KCTD8: variants seen among roughly 807,000 people sequenced by gnomAD.
The protein encoded by KCTD8 is BTB/POZ domain-containing protein KCTD8.
In KCTD8, 27 loss-of-function variants were observed where a neutral mutation model predicts 31.5. The ratio of observed to expected loss-of-function variants is 0.86; its 90% confidence interval spans 0.63 to 1.18. The LOEUF (loss-of-function observed/expected upper bound fraction) is 1.18, where lower values mean the gene tolerates loss of function less well. Among genes scored for constraint, KCTD8 ranks in the 50% most tolerant of loss-of-function variants. The pLI is 0.00. For missense variants in KCTD8, 658 were observed against 647.7 expected (o/e 1.02, Z -0.17); for synonymous variants, 290 against 280.0 (o/e 1.04, Z -0.36).
At chr4:44,318,443 T>C (rs1718202460) in intron 1 of KCTD8, among the ~76,000 whole-genome samples, 1 of 152,178 alleles carries the variant, frequency 6.6e-6, no homozygotes, top group Admixed American at 6.5e-5. Context: ...TGGAAAGATA[T>C]GAGCTAGATC....
At chr4:44,286,396 G>A (rs186601448) in intron 1 of KCTD8, among the ~76,000 whole-genome samples, 57 of 152,136 alleles carry the variant, frequency 3.7e-4, no homozygotes, top group Non-Finnish European at 6.5e-4. Context: ...GGAGAAAAAC[G>A]CTGGAGTACT....
At chr4:44,352,399 T>C (rs1345363577) in intron 1 of KCTD8, among the ~76,000 whole-genome samples, 1 of 150,296 alleles carries the variant, frequency 6.7e-6, no homozygotes, top group Non-Finnish European at 1.5e-5. Context: ...TTAAAAAGAA[T>C]AGAAATAGAA....
intron 1 of KCTD8, among the ~76,000 whole-genome samples, chr4:44,317,179 A>C (rs28587820): frequency 4.1e-5 from 6 of 147,550 alleles, no homozygotes; most frequent in Non-Finnish European, 8.9e-5. Context: ...CAAAGTTTTA[A>C]TGGAACAGAA....
At chr4:44,273,354 G>A (rs145688693) in intron 1 of KCTD8, among the ~76,000 whole-genome samples, 2 of 152,016 alleles carry the variant, frequency 1.3e-5, no homozygotes, top group Non-Finnish European at 1.5e-5. Flanking sequence ...GTGTACGTAT[G>A]TCATATGTAC....
chr4:44,269,693 A>G (rs1226171896), intron 1 of KCTD8, among the ~76,000 whole-genome samples: 1 of 152,026 alleles, frequency 6.6e-6, no homozygotes, highest in East Asian at 1.9e-4. Context: ...CAAATTTACA[A>G]GAAAAAAGCA....
intron 1 of KCTD8, among the ~76,000 whole-genome samples, chr4:44,444,532 A>G (rs372031735): frequency 6.6e-6 from 1 of 152,248 alleles, no homozygotes. Context: ...AAACAGTAAC[A>G]TATTACAATA....
intron 1 of KCTD8, among the ~76,000 whole-genome samples, chr4:44,380,138 C>T (rs1211768895): frequency 6.6e-6 from 1 of 151,682 alleles, no homozygotes; most frequent in Non-Finnish European, 1.5e-5. Context: ...TCAAGATTAC[C>T]CCTAGGCAAA....
intron 1 of KCTD8, among the ~76,000 whole-genome samples, chr4:44,353,501 A>T (rs988624860): frequency 6.6e-6 from 1 of 152,036 alleles, no homozygotes; most frequent in African/African-American, 2.4e-5. Context: ...TTATCTTTAA[A>T]TATACACTAA....
chr4:44,323,959 G>A (rs1191136305), intron 1 of KCTD8, among the ~76,000 whole-genome samples: 2 of 151,234 alleles, frequency 1.3e-5, no homozygotes, highest in Non-Finnish European at 2.9e-5. Context: ...CGAGTTAGTG[G>A]GTGCAGCGCA....
chr4:44,175,575 A>G (rs376890751), intron 1 of KCTD8, among the ~76,000 whole-genome samples: 1 of 152,334 alleles, frequency 6.6e-6, no homozygotes, highest in African/African-American at 2.4e-5. Flanking sequence ...AGTTCCTGGA[A>G]TATAAAAAAA....
In KCTD8 at chr4:44,174,598, T is replaced by C. The variant is rs1713142250; in HGVS notation, c.*192A>G. On this transcript the variant is annotated 3_prime_UTR_variant, in exon 2 of 2. Coordinates refer to ENST00000360029, the MANE Select transcript of KCTD8 (RefSeq NM_198353.3). ...TGATTTAACACTTATTGATTTAATA[T>C]TTTTTCCTTTTTAATCATGTTTCTA... 2.1e-6 allele frequency: 1 copy of C among 479,712 alleles called. No homozygotes were observed. Among genetic ancestry groups the C allele is most frequent in the East Asian group, 3.1e-5 (1 of 31,810 alleles). The allele number at this position is 479,712 out of a possible 1,614,324, so 29.7% of individuals were successfully genotyped here.
intron 1 of KCTD8, among the ~76,000 whole-genome samples, chr4:44,292,064 A>G (rs1219818106): frequency 6.6e-6 from 1 of 151,948 alleles, no homozygotes; most frequent in African/African-American, 2.4e-5. Context: ...TGCGGAAAGC[A>G]GTACGCAGAT....
intron 1 of KCTD8, among the ~76,000 whole-genome samples, chr4:44,176,254 G>T (rs971174907): frequency 6.6e-6 from 1 of 152,258 alleles, no homozygotes; most frequent in Admixed American, 6.5e-5. Context: ...TTAAACAATT[G>T]CCCAGGGGTT....
chr4:44,283,025 TTTATTA>T (rs58754915), intron 1 of KCTD8, among the ~76,000 whole-genome samples: 19,725 of 135,946 alleles, frequency 0.15, 1,505 homozygotes, highest in African/African-American at 0.17. Context: ...AACAACACAT[TTTATTA>T]TTATTATTAT....
intron 1 of KCTD8, among the ~76,000 whole-genome samples, chr4:44,370,760 A>G (rs1447050185): frequency 6.6e-6 from 1 of 152,188 alleles, no homozygotes; most frequent in African/African-American, 2.4e-5. Flanking sequence ...GTCTAGCTAA[A>G]AGAAAAGTGC....
intron 1 of KCTD8, among the ~76,000 whole-genome samples, chr4:44,234,678 C>G (rs747808354): frequency 1.3e-5 from 2 of 152,152 alleles, no homozygotes; most frequent in Non-Finnish European, 2.9e-5. Context: ...TTTGCCCTCC[C>G]TCTTGCTTCC....
In KCTD8 at chr4:44,443,616, T is replaced by C. The variant is rs149566673; in HGVS notation, c.961+3947A>G. Among the ~76,000 whole-genome samples, 232 of 152,200 alleles carry C rather than the reference T, an allele frequency of 1.5e-3. 1 individual carries two copies. Among genetic ancestry groups the C allele is most frequent in the African/African-American group, 5.3e-3 (222 of 41,546 alleles). Reference sequence around the variant, plus strand: ...TCAAACAAACAAACAAAAAAAGATATACCAAATTTAAAGAATATCAAGTAC... The same window carrying C: ...TCAAACAAACAAACAAAAAAAGATACACCAAATTTAAAGAATATCAAGTAC... On this transcript the variant is annotated intron_variant, in intron 1 of 1. Transcript: ENST00000360029.
chr4:44,225,973 A>G (rs369627980), intron 1 of KCTD8, among the ~76,000 whole-genome samples: 77 of 151,908 alleles, frequency 5.1e-4, no homozygotes, highest in African/African-American at 1.7e-3. Context: ...GGTGTCCGCC[A>G]TCACGCCTGG....
At chr4:44,311,115 A>G (rs1379374892) in intron 1 of KCTD8, among the ~76,000 whole-genome samples, 1 of 152,068 alleles carries the variant, frequency 6.6e-6, no homozygotes, top group African/African-American at 2.4e-5. Flanking sequence ...TTGTCTATAA[A>G]TAACAATCCA....
Sources: allele counts gnomAD v4.1 joint callset (sites outside exome capture counted in the v4.1 genomes callset), GRCh38; gene constraint gnomAD v4.1.1; transcripts MANE v1.5; gene names NCBI Gene and HGNC (gene_info 2026-07-23, HGNC 2026-07-21).